The following SNX31 variants were observed in gnomAD, a reference collection of about 807,000 sequenced individuals.
The protein encoded by SNX31 is sorting nexin-31.
In SNX31, 58 loss-of-function variants were observed where a neutral mutation model predicts 65.4. The ratio of observed to expected loss-of-function variants is 0.89; its 90% CI spans 0.72 to 1.10. The LOEUF is 1.10. SNX31 is among the 50% of genes least tolerant of loss of function. The pLI, the probability that SNX31 is intolerant of heterozygous loss-of-function variation, is 0.00. For synonymous variants in SNX31, 181 were observed against 190.1 expected, an observed-to-expected ratio of 0.95 and a Z score of 0.39; for missense variants, 523 against 529.7, an observed-to-expected ratio of 0.99 and a Z score of 0.12.
chr8:100,662,554 A>G (rs749866941), intron 1 of SNX31, among the ~76,000 whole-genome samples: 3 of 152,132 alleles, frequency 2.0e-5, no homozygotes, highest in Admixed American at 6.5e-5. Context: ...AAAATTAGCC[A>G]GGCGTTGTGG....
chr8:100,647,279 A>G (rs750659725), intron 2 of SNX31, among the ~76,000 whole-genome samples: 4 of 152,214 alleles, frequency 2.6e-5, no homozygotes, highest in Admixed American at 6.5e-5. Flanking sequence ...ATTTATTAAA[A>G]TCTATTTTAT....
At chr8:100,639,315 GA>G (rs570681427) in intron 2 of SNX31, among the ~76,000 whole-genome samples, 126 of 152,236 alleles carry the variant, frequency 8.3e-4, no homozygotes, top group African/African-American at 3.0e-3. Flanking sequence ...AACGTGGTGA[GA>G]AAAAAAGTGC....
In SNX31 at chr8:100,615,925, A is replaced by G. The variant is rs1212749879; in HGVS notation, c.432+1695T>C. On this transcript the variant is annotated intron_variant, in intron 5 of 13. Transcript: ENST00000311812. ...GCTGGGACTACAGGCACCCGCCACC[A>G]CGCCCGGCTAATTTTTTTTTTGTAT... is the stretch of plus-strand genomic sequence containing the variant. 4.7e-5 allele frequency among the ~76,000 whole-genome samples: 7 copies of G among 149,684 alleles called. No individual in the cohort carries two copies. The South Asian group carries it at 1.0e-3, about 22-fold the overall frequency.
At chr8:100,635,824 A>G (rs1490732782) in intron 3 of SNX31, 73 bp downstream of exon 3, 2 of 935,522 alleles carry the variant, frequency 2.1e-6, no homozygotes, top group East Asian at 2.4e-5. Flanking sequence ...TGTACACTTT[A>G]GCAGGTGAAT....
At position 100,612,732 on chromosome 8, in the gene SNX31, G is replaced by A. The variant is rs537964667; in HGVS notation, c.523+263C>T. On this transcript the variant is annotated intron_variant, in intron 6 of 13. Coordinates refer to ENST00000311812, the MANE Select transcript of SNX31 (RefSeq NM_152628.4). The surrounding 1 kb of genome is among the most constrained non-coding windows in gnomAD (Gnocchi z 4.3). ...TGGTCAGTGGTCAGGCCGGGCCTGC[G>A]GTAAAGGGGAGGGGGTCAGGATTAG... 3.3e-5 allele frequency among the ~76,000 whole-genome samples: 5 copies of A among 152,246 alleles called. No individual in the cohort carries two copies. The highest frequency in any genetic ancestry group is 4.8e-5 in the African/African-American group (2 of 41,522).
At chr8:100,633,935 T>C (rs1818577057) in intron 3 of SNX31, among the ~76,000 whole-genome samples, 1 of 152,168 alleles carries the variant, frequency 6.6e-6, no homozygotes, top group Non-Finnish European at 1.5e-5. Context: ...AAGTTCAATT[T>C]GTGTTGAGCA....
intron 2 of SNX31, among the ~76,000 whole-genome samples, chr8:100,639,047 G>A (rs2131237444): frequency 6.6e-6 from 1 of 152,274 alleles, no homozygotes; most frequent in Admixed American, 6.5e-5. Flanking sequence ...AAAGTTTTGG[G>A]GCAGGGAGGT....
At chr8:100,628,476 A>G (rs1818193093) in intron 4 of SNX31, among the ~76,000 whole-genome samples, 1 of 152,126 alleles carries the variant, frequency 6.6e-6, no homozygotes, top group Non-Finnish European at 1.5e-5. Flanking sequence ...CATTCTCAGC[A>G]AACTATCGCA....
intron 4 of SNX31, 39 bp from the exon 5 acceptor site, chr8:100,617,769 T>C: frequency 1.3e-6 from 1 of 751,620 alleles, no homozygotes; most frequent in Non-Finnish European, 1.9e-6. Flanking sequence ...TTCCACACCT[T>C]TTTTTTTTTT....
In SNX31 at chr8:100,648,712, C is replaced by T. The variant is rs973704797; in HGVS notation, c.141+562G>A. 6.6e-6 allele frequency among the ~76,000 whole-genome samples: 1 copy of T among 152,176 alleles called. No homozygotes were observed. Among genetic ancestry groups the T allele is most frequent in the Non-Finnish European group, 1.5e-5 (1 of 68,024 alleles). On this transcript the variant is annotated intron_variant, in intron 2 of 13. Coordinates refer to ENST00000311812, the MANE Select transcript of SNX31 (RefSeq NM_152628.4). The surrounding 1 kb of genome is among the most constrained non-coding windows in gnomAD (Gnocchi z 4.3). Reference sequence around the variant, plus strand: ...ACTGTCAAGACAGCAGGGTGAGAAACTATCCTAGCTTGGTAAGTCATGTTC... The same window carrying T: ...ACTGTCAAGACAGCAGGGTGAGAAATTATCCTAGCTTGGTAAGTCATGTTC...
At chr8:100,590,422 G>A (rs1814467878) in intron 10 of SNX31, among the ~76,000 whole-genome samples, 1 of 151,772 alleles carries the variant, frequency 6.6e-6, no homozygotes, top group Non-Finnish European at 1.5e-5. Flanking sequence ...GCAAGTCCTT[G>A]TCTCCAAAAA....
chr8:100,631,113 G>T (rs1349543251), intron 3 of SNX31, among the ~76,000 whole-genome samples: 6 of 152,044 alleles, frequency 3.9e-5, no homozygotes, highest in African/African-American at 7.2e-5. Flanking sequence ...AATGATAGGA[G>T]TTCTCGAGAT....
chr8:100,632,501 A>G (rs1474054519), intron 3 of SNX31, among the ~76,000 whole-genome samples: 3 of 152,200 alleles, frequency 2.0e-5, no homozygotes, highest in Admixed American at 6.5e-5. Flanking sequence ...AGATAAATCT[A>G]TGACTGCTGA....
At chr8:100,641,565 AATATATATAT>A (rs1237945389) in intron 2 of SNX31, among the ~76,000 whole-genome samples, 467 of 32,092 alleles carry the variant, frequency 0.015, 38 homozygotes, top group African/African-American at 0.058. Flanking sequence ...AAAAAAAAAA[AATATATATAT>A]ATATATATAT....
rs1359318983 is a variant in SNX31 at position 100,612,952 on chromosome 8, C to T, written c.523+43G>A. ...CCTATGAGCCCCTGCTCACACCTGTCCACCCCATCTCCTAGCTGATTCATT... is the reference window on the plus strand; with the variant it reads ...CCTATGAGCCCCTGCTCACACCTGTTCACCCCATCTCCTAGCTGATTCATT... On this transcript the variant is annotated intron_variant, in intron 6 of 13. Coordinates refer to ENST00000311812, the MANE Select transcript of SNX31 (RefSeq NM_152628.4). The surrounding 1 kb of genome is among the most constrained non-coding windows in gnomAD (Gnocchi z 4.3). 8.3e-6 allele frequency: 13 copies of T among 1,563,732 alleles called. No individual in the cohort carries two copies. Among genetic ancestry groups the T allele is most frequent in the Admixed American group, 3.3e-5 (2 of 59,922 alleles).
At chr8:100,661,448 A>G (rs1266395823) in intron 1 of SNX31, among the ~76,000 whole-genome samples, 1 of 152,174 alleles carries the variant, frequency 6.6e-6, no homozygotes, top group Non-Finnish European at 1.5e-5. Context: ...CAGGAATAAC[A>G]AGACTGGAAC....
At chr8:100,597,061 A>C (rs987286919) in intron 9 of SNX31, among the ~76,000 whole-genome samples, 2 of 152,134 alleles carry the variant, frequency 1.3e-5, no homozygotes, top group Non-Finnish European at 2.9e-5. Context: ...CCTTCCAGGG[A>C]AGGGACCATT....
At chr8:100,638,503 C>T (rs1159932081) in intron 2 of SNX31, among the ~76,000 whole-genome samples, 1 of 152,120 alleles carries the variant, frequency 6.6e-6, no homozygotes, top group Non-Finnish European at 1.5e-5. Context: ...TAACTGCCTG[C>T]CCGTGGGCAA....
At position 100,588,702 on chromosome 8, in the gene SNX31, C is replaced by G. The variant is rs1473256193; in HGVS notation, c.1092+164G>C. On this transcript the variant is annotated intron_variant, in intron 11 of 13. Coordinates refer to ENST00000311812, the MANE Select transcript of SNX31 (RefSeq NM_152628.4). The surrounding 1 kb of genome is among the most constrained non-coding windows in gnomAD (Gnocchi z 4.8). ...GGCCACGGTGACTAGTAAAATATAA[C>G]AAAACATAAAACAAAATAAAAGGTA... 6.6e-6 allele frequency among the ~76,000 whole-genome samples: 1 copy of G among 152,130 alleles called. No individual in the cohort carries two copies. Among genetic ancestry groups the G allele is most frequent in the Admixed American group, 6.5e-5 (1 of 15,280 alleles).
Sources: allele counts gnomAD v4.1 joint callset (sites outside exome capture counted in the v4.1 genomes callset), GRCh38; gene constraint gnomAD v4.1.1; non-coding constraint Gnocchi (gnomAD v3.1); transcripts MANE v1.5; gene names NCBI Gene and HGNC (gene_info 2026-07-23, HGNC 2026-07-21).